SEMA3D: variants seen among roughly 807,000 people sequenced by gnomAD.
SEMA3D encodes the protein semaphorin 3D.
In SEMA3D, 84 loss-of-function variants were observed where a neutral mutation model predicts 100.1. That is an observed-to-expected ratio of 0.84 (90% CI 0.70 to 1.01). The LOEUF (loss-of-function observed/expected upper bound fraction) is 1.01, where lower values mean the gene tolerates loss of function less well. Among genes scored for constraint, SEMA3D ranks in the 50% least tolerant of loss-of-function variants. The pLI is 0.00. For synonymous variants in SEMA3D, 312 were observed against 320.7 expected, an observed-to-expected ratio of 0.97 and a Z score of 0.29; for missense variants, 875 against 934.1, an observed-to-expected ratio of 0.94 and a Z score of 0.82.
chr7:85,182,729 C>A (rs1386500082), intron 1 of SEMA3D, among the ~76,000 whole-genome samples: 1 of 152,080 alleles, frequency 6.6e-6, no homozygotes, highest in Non-Finnish European at 1.5e-5. Context: ...AATGTTATTG[C>A]CCATAGTAAA....
the SEMA3D span, among the ~76,000 whole-genome samples, chr7:85,231,436 C>CCT: frequency 1.2e-4 from 14 of 117,866 alleles, no homozygotes; most frequent in Non-Finnish European, 1.8e-4. Context: ...CAATCTTTCC[C>CCT]TTTTTTTTTT....
intron 10 of SEMA3D, chr7:85,041,479 CA>C (rs1790863121): frequency 6.6e-6 from 1 of 152,002 alleles, no homozygotes; most frequent in Admixed American, 6.6e-5. Flanking sequence ...TGCTTACATA[CA>C]ATAGGAGAGG....
At chr7:85,057,925 C>T (rs776952381) in intron 8 of SEMA3D, among the ~76,000 whole-genome samples, 5 of 152,076 alleles carry the variant, frequency 3.3e-5, no homozygotes, top group East Asian at 1.9e-4. Flanking sequence ...AGACAGACTC[C>T]GTCTCAAAAA....
At chr7:85,085,811 A>G (rs1788197631) in intron 4 of SEMA3D, among the ~76,000 whole-genome samples, 1 of 152,230 alleles carries the variant, frequency 6.6e-6, no homozygotes, top group Admixed American at 6.5e-5. Context: ...GGGACTTGAC[A>G]CTAAAATAGC....
At position 84,998,637 on chromosome 7, in the gene SEMA3D, A is replaced by G. The variant is rs1188214483; in HGVS notation, c.*803T>C. 2 of 152,066 alleles carry G rather than the reference A, an allele frequency of 1.3e-5. No individual in the cohort carries two copies. Among genetic ancestry groups the G allele is most frequent in the Non-Finnish European group, 2.9e-5 (2 of 67,996 alleles). The allele number at this position is 152,066 out of a possible 1,614,324, so 9.4% of individuals were successfully genotyped here. A position where few individuals can be genotyped will look rare whatever the true frequency, so the allele number is the denominator to read the frequency against. ...CCCATCTGCATGCCTTCCCATCAGG[A>G]TGCATTATACATCATTATGTTTTCC... On this transcript the variant is annotated 3_prime_UTR_variant, in exon 19 of 19. Transcript: ENST00000284136.
chr7:85,236,516 C>G, the SEMA3D span, among the ~76,000 whole-genome samples: 3 of 151,756 alleles, frequency 2.0e-5, no homozygotes, highest in African/African-American at 7.3e-5. Flanking sequence ...CCATGTTGGC[C>G]AGGATGGTCT....
intron 3 of SEMA3D, among the ~76,000 whole-genome samples, chr7:85,105,582 A>G (rs1174609387): frequency 1.3e-5 from 2 of 152,080 alleles, no homozygotes; most frequent in African/African-American, 4.8e-5. Flanking sequence ...CCTACAAAAG[A>G]CTGCTTCAAA....
chr7:85,128,335 AT>A (rs1052186299), intron 2 of SEMA3D, among the ~76,000 whole-genome samples: 1 of 151,290 alleles, frequency 6.6e-6, no homozygotes, highest in Non-Finnish European at 1.5e-5. Flanking sequence ...GCCTGGCTAA[AT>A]TTTTTGTATT....
chr7:85,058,398 A>C (rs1376348255), intron 8 of SEMA3D, among the ~76,000 whole-genome samples: 1 of 151,936 alleles, frequency 6.6e-6, no homozygotes, highest in East Asian at 1.9e-4. Flanking sequence ...CAAAGTAAAA[A>C]TCTCTTTTTT....
chr7:85,072,659 A>AAATG (rs1791807902), intron 6 of SEMA3D, among the ~76,000 whole-genome samples: 1 of 152,346 alleles, frequency 6.6e-6, no homozygotes, highest in African/African-American at 2.4e-5. Context: ...TATATGGTGA[A>AAATG]AATGATAGTC....
At chr7:85,138,341 T>C (rs1450579784) in intron 2 of SEMA3D, among the ~76,000 whole-genome samples, 1 of 151,848 alleles carries the variant, frequency 6.6e-6, no homozygotes, top group Non-Finnish European at 1.5e-5. Context: ...CTGGCTGGAG[T>C]ACAGTGGCAC....
the SEMA3D span, among the ~76,000 whole-genome samples, chr7:85,250,087 TAGTCAAAGA>T: frequency 2.4e-4 from 36 of 151,996 alleles, no homozygotes; most frequent in Non-Finnish European, 3.4e-4. Context: ...TTCCCTTTCC[TAGTCAAAGA>T]AAGGGGTGAA....
At chr7:85,143,439 A>G (rs1790111891) in intron 2 of SEMA3D, 1 of 153,490 alleles carries the variant, frequency 6.5e-6, no homozygotes, top group Admixed American at 6.6e-5. Flanking sequence ...ACTATAGGGT[A>G]TAGCCCATTG....
At chr7:85,183,651 C>G (rs1464553237) in intron 1 of SEMA3D, among the ~76,000 whole-genome samples, 1 of 152,210 alleles carries the variant, frequency 6.6e-6, no homozygotes, top group Non-Finnish European at 1.5e-5. Flanking sequence ...TAAAGACTTA[C>G]CTATGAAGGC....
chr7:85,173,216 A>G (rs1390987536), intron 1 of SEMA3D, among the ~76,000 whole-genome samples: 1 of 152,132 alleles, frequency 6.6e-6, no homozygotes, highest in Admixed American at 6.6e-5. Context: ...GAGTAAAAAA[A>G]TATTTAATGT....
chr7:85,045,133 T>A (rs557335810), intron 9 of SEMA3D, among the ~76,000 whole-genome samples: 1 of 151,974 alleles, frequency 6.6e-6, no homozygotes, highest in Non-Finnish European at 1.5e-5. Context: ...AAACTACATA[T>A]GTAGAGATTG....
chr7:85,134,100 A>T (rs925174127), intron 2 of SEMA3D, among the ~76,000 whole-genome samples: 2 of 151,978 alleles, frequency 1.3e-5, no homozygotes, highest in Non-Finnish European at 2.9e-5. Context: ...ACAATACATT[A>T]TTTTCCTCCG....
Position 84,999,541 on chromosome 7 carries a change from T to G in SEMA3D, c.2233A>C (p.Lys745Gln). Reference protein sequence around the residue: ...WHREKRRQRNKGGPKWKHMQE... With the variant: ...WHREKRRQRNQGGPKWKHMQE... ...ATGTGCTTCCACTTTGGGCCCCCCT[T>G]GTTTCTCTGTCTCCGCTTCTCCCTG... is the stretch of plus-strand genomic sequence containing the variant. Residue 745 changes from lysine to glutamine, a missense_variant, in exon 19 of 19, where the codon AAG becomes CAG. Physicochemically the swap from Lys to Gln is moderately conservative, Grantham distance 53 (BLOSUM62 1). Coordinates refer to ENST00000284136, the MANE Select transcript of SEMA3D (RefSeq NM_001384900.1). 1.2e-6 allele frequency: 2 copies of G among 1,614,142 alleles called. No individual in the cohort carries two copies. The highest frequency in any genetic ancestry group is 1.7e-6 in the Non-Finnish European group (2 of 1,180,012).
intron 2 of SEMA3D, among the ~76,000 whole-genome samples, chr7:85,133,902 A>G (rs1370869827): frequency 6.6e-6 from 1 of 151,990 alleles, no homozygotes; most frequent in Admixed American, 6.6e-5. Flanking sequence ...TACATGGACT[A>G]TGATAGCAAG....
Sources: allele counts gnomAD v4.1 joint callset (sites outside exome capture counted in the v4.1 genomes callset), GRCh38; gene constraint gnomAD v4.1.1; transcripts MANE v1.5; gene names NCBI Gene and HGNC (gene_info 2026-07-23, HGNC 2026-07-21).